ABI2: variants seen among roughly 807,000 people sequenced by gnomAD.
ABI2 encodes the protein abl interactor 2.
In ABI2, 25 loss-of-function variants were observed where a neutral mutation model predicts 59.2. The observed-to-expected ratio is 0.42, with a 90% CI of 0.31 to 0.59. ABI2 has a LOEUF of 0.59. ABI2 is among the 20% of genes least tolerant of loss of function. The probability of loss-of-function intolerance (pLI) is 0.14; values close to 1 mark genes in which losing one functional copy is unlikely to be tolerated. For missense variants in ABI2, 545 were observed against 681.8 expected (o/e 0.80, Z 2.23); for synonymous variants, 213 against 235.5 (o/e 0.90, Z 0.87).
At chr2:203,354,240 C>T (rs1171551407) in intron 1 of ABI2, among the ~76,000 whole-genome samples, 3 of 151,628 alleles carry the variant, frequency 2.0e-5, no homozygotes, top group South Asian at 4.2e-4. Context: ...GACAGGGTTT[C>T]GCCATGTTGC....
chr2:203,401,380 C>T (rs1405616531), intron 8 of ABI2, among the ~76,000 whole-genome samples: 1 of 152,112 alleles, frequency 6.6e-6, no homozygotes, highest in South Asian at 2.1e-4. Flanking sequence ...CCCTCCCCTT[C>T]TCCCTTGTCT....
intron 1 of ABI2, among the ~76,000 whole-genome samples, chr2:203,333,181 C>G (rs1269952036): frequency 6.6e-6 from 1 of 152,016 alleles, no homozygotes. Flanking sequence ...CATTAGAATA[C>G]ATGCTCATTG....
At chr2:203,360,611 G>A (rs1206680139) in intron 1 of ABI2, among the ~76,000 whole-genome samples, 1 of 152,158 alleles carries the variant, frequency 6.6e-6, no homozygotes, top group Admixed American at 6.5e-5. Flanking sequence ...GGAGAATTTA[G>A]ATACCAGGAA....
intron 8 of ABI2, among the ~76,000 whole-genome samples, chr2:203,400,050 A>G (rs552602944): frequency 1.3e-5 from 2 of 148,546 alleles, no homozygotes; most frequent in South Asian, 4.3e-4. Context: ...CCAAATGGTA[A>G]ATCGACTCAT....
At chr2:203,414,327 C>G (rs1364009783) in intron 10 of ABI2, among the ~76,000 whole-genome samples, 1 of 152,122 alleles carries the variant, frequency 6.6e-6, no homozygotes, top group Non-Finnish European at 1.5e-5. Flanking sequence ...GGCTTGAACT[C>G]CTGAGCTCAA....
chr2:203,360,528 G>A (rs949037790), intron 1 of ABI2, among the ~76,000 whole-genome samples: 1 of 152,170 alleles, frequency 6.6e-6, no homozygotes, highest in African/African-American at 2.4e-5. Flanking sequence ...AATTAAAGCA[G>A]TGTAAGTAGT....
At chr2:203,422,825 A>T (rs2098274281) in intron 11 of ABI2, among the ~76,000 whole-genome samples, 1 of 152,220 alleles carries the variant, frequency 6.6e-6, no homozygotes, top group Non-Finnish European at 1.5e-5. Flanking sequence ...AGAATACATT[A>T]AGTGGTTTAA....
At chr2:203,420,257 G>A (rs2098136236) in intron 11 of ABI2, among the ~76,000 whole-genome samples, 2 of 152,028 alleles carry the variant, frequency 1.3e-5, no homozygotes, top group South Asian at 2.1e-4. Context: ...TTTACTGCCC[G>A]TTTTGTATCT....
intron 1 of ABI2, among the ~76,000 whole-genome samples, chr2:203,356,047 G>GT (rs973806613): frequency 2.0e-5 from 3 of 151,738 alleles, no homozygotes; most frequent in African/African-American, 4.8e-5. Flanking sequence ...TTTGTATATA[G>GT]TTTTTTTTCT....
chr2:203,420,865 CAG>C (rs2153575012), intron 11 of ABI2, among the ~76,000 whole-genome samples: 1 of 145,818 alleles, frequency 6.9e-6, no homozygotes, highest in East Asian at 2.1e-4. Context: ...GTTTCTCAGG[CAG>C]AGAAGAGAGA....
At chr2:203,334,690 A>T (rs1184701573) in intron 1 of ABI2, among the ~76,000 whole-genome samples, 1 of 148,962 alleles carries the variant, frequency 6.7e-6, no homozygotes, top group Non-Finnish European at 1.5e-5. Context: ...TTTGAGACAG[A>T]GTCTCTGTCG....
At chr2:203,410,999 TTA>T (rs35773712) in intron 9 of ABI2, among the ~76,000 whole-genome samples, 11,341 of 150,736 alleles carry the variant, frequency 0.075, 678 homozygotes, top group African/African-American at 0.17. Flanking sequence ...AAAAATGGGA[TTA>T]TGTTTTATAT....
chr2:203,404,860 A>G (rs542854332), intron 9 of ABI2, among the ~76,000 whole-genome samples: 11 of 152,266 alleles, frequency 7.2e-5, no homozygotes, highest in African/African-American at 1.9e-4. Context: ...CACCCGGCCT[A>G]TACAGGGATA....
At chr2:203,367,114 C>T in intron 2 of ABI2, 70 bp downstream of exon 2, 1 of 1,451,564 alleles carries the variant, frequency 6.9e-7, no homozygotes, top group Non-Finnish European at 9.1e-7. Flanking sequence ...ATCTGTAATG[C>T]TGGCAGCTTT....
chr2:203,399,879 A>G (rs1018863102), intron 8 of ABI2, among the ~76,000 whole-genome samples: 11 of 151,988 alleles, frequency 7.2e-5, no homozygotes, highest in African/African-American at 2.7e-4. Context: ...ATTAAGTGTT[A>G]TTTTTCAAAA....
chr2:203,416,813 G>T lies in ABI2; in HGVS notation c.1280-95G>T. ...GAAGGAATATTACATTTATTTTCAAGTCTAGGTTTATATTCCATGAACCCA... is the reference window on the plus strand; with the variant it reads ...GAAGGAATATTACATTTATTTTCAATTCTAGGTTTATATTCCATGAACCCA... On this transcript the variant is annotated intron_variant, in intron 10 of 11. Coordinates refer to ENST00000261018, the MANE Select transcript of ABI2 (RefSeq NM_001375670.1). The T allele has an allele frequency of 2.4e-6, 3 of 1,271,576 alleles. No individual in the cohort carries two copies. In the South Asian group the frequency reaches 4.9e-5, roughly 21 times the overall value. The allele number at this position is 1,271,576 out of a possible 1,614,324, so 78.8% of individuals were successfully genotyped here. A position where few individuals can be genotyped will look rare whatever the true frequency, so the allele number is the denominator to read the frequency against.
chr2:203,424,968 G>A lies in ABI2; in HGVS notation c.1454-2209G>A, dbSNP rs892077461. On this transcript the variant is annotated intron_variant, in intron 11 of 11. Transcript: ENST00000261018. ...CTTATTTCAGCCTCAACTTTGCTGA[G>A]CTCAGGTGATTCTCCCAAGTAGCTG... 1.5e-4 allele frequency among the ~76,000 whole-genome samples: 22 copies of A among 151,108 alleles called. 1 individual carries two copies. Among genetic ancestry groups the A allele is most frequent in the African/African-American group, 5.3e-4 (22 of 41,140 alleles).
At chr2:203,351,281 C>G (rs2088177995) in intron 1 of ABI2, among the ~76,000 whole-genome samples, 1 of 152,018 alleles carries the variant, frequency 6.6e-6, no homozygotes, top group Admixed American at 6.6e-5. Flanking sequence ...TATCTTCTAC[C>G]TTTGTTCTTC....
At chr2:203,373,865 C>G (rs1348985232) in intron 2 of ABI2, among the ~76,000 whole-genome samples, 1 of 152,176 alleles carries the variant, frequency 6.6e-6, no homozygotes, top group Non-Finnish European at 1.5e-5. Flanking sequence ...CTTTTACTGT[C>G]TAAAAACTTT....
Sources: allele counts gnomAD v4.1 joint callset (sites outside exome capture counted in the v4.1 genomes callset), GRCh38; gene constraint gnomAD v4.1.1; transcripts MANE v1.5; gene names NCBI Gene and HGNC (gene_info 2026-07-23, HGNC 2026-07-21).